Variants in DGKH observed in about 807,000 individuals in gnomAD.
The protein encoded by DGKH is diacylglycerol kinase eta.
Under a neutral mutation model 159.3 loss-of-function variants are expected in DGKH, and 90 were observed. That is an observed-to-expected ratio of 0.57 (90% CI 0.48 to 0.67). The LOEUF is 0.67. Among genes scored for constraint, DGKH ranks in the 30% least tolerant of loss-of-function variants. DGKH has a pLI of 0.00. For missense variants in DGKH, 1,181 were observed against 1,506.1 expected, an observed-to-expected ratio of 0.78 and a Z score of 3.57; for synonymous variants, 536 against 553.8, an observed-to-expected ratio of 0.97 and a Z score of 0.45.
At position 42,097,215 on chromosome 13, in the gene DGKH, G is replaced by A. The variant is rs187550421; in HGVS notation, c.193-30248G>A. ...AGTTCTGGGAAATTGTCTTGAATTA[G>A]CTCTTCCTTCTGTTTTCTCTGGTCT... On this transcript the variant is annotated intron_variant, in intron 1 of 29. Transcript: ENST00000337343. 1.4e-3 allele frequency among the ~76,000 whole-genome samples: 216 copies of A among 152,194 alleles called. 1 individual carries two copies. The highest frequency in any genetic ancestry group is 4.6e-3 in the African/African-American group (191 of 41,526).
At chr13:42,136,481 C>T (rs925515615) in intron 3 of DGKH, among the ~76,000 whole-genome samples, 1 of 152,180 alleles carries the variant, frequency 6.6e-6, no homozygotes. Context: ...TCAAAGCATG[C>T]TGTTCAAATG....
chr13:42,231,672 G>T lies in DGKH; in HGVS notation c.*2484G>T, dbSNP rs950024272. 1 of 152,212 alleles carries T rather than the reference G, an allele frequency of 6.6e-6. No individual in the cohort carries two copies. The highest frequency in any genetic ancestry group is 1.5e-5 in the Non-Finnish European group (1 of 68,042). The allele number at this position is 152,212 out of a possible 1,614,324, so 9.4% of individuals were successfully genotyped here. A position where few individuals can be genotyped will look rare whatever the true frequency, so the allele number is the denominator to read the frequency against. On this transcript the variant is annotated 3_prime_UTR_variant, in exon 30 of 30. Coordinates refer to ENST00000337343, the MANE Select transcript of DGKH (RefSeq NM_178009.5). ...CATTCCCCTTTGCTAATAGAAAAGA[G>T]TCTAGCTATGATGTGTCCCAAATTT...
rs564660909 is a variant in DGKH at position 42,252,426 on chromosome 13, A to G, written n.4072A>G. 3 of 152,240 alleles carry G rather than the reference A, an allele frequency of 2.0e-5. No homozygotes were observed. The South Asian group carries it at 6.2e-4, about 32-fold the overall frequency. The allele number at this position is 152,240 out of a possible 1,614,324, so 9.4% of individuals were successfully genotyped here. A position where few individuals can be genotyped will look rare whatever the true frequency, so the allele number is the denominator to read the frequency against. ...TTTTTTAGAGGATATATATGAGTTC[A>G]AGATGGTCACCTGCTTCTCTAGGAA... On this transcript the variant is annotated non_coding_transcript_exon_variant, in exon 30 of 31. Coordinates refer to the DGKH transcript ENST00000498255.
At chr13:42,138,108 C>T (rs1955441919) in intron 3 of DGKH, 42 of 985,374 alleles carry the variant, frequency 4.3e-5, no homozygotes, top group Non-Finnish European at 5.1e-5. Context: ...AGAGAGTTCT[C>T]AGAGCAGACT....
rs1956945426 is a variant in DGKH, at chr13:42,186,964, T to C, written c.1539-85T>C. ...CCCAGATATTTGACAGTTTGCTTAA[T>C]TGTGTTTCTTTTTAAATATATTCAT... is the stretch of plus-strand genomic sequence containing the variant. On this transcript the variant is annotated intron_variant, in intron 13 of 29. Coordinates refer to ENST00000337343, the MANE Select transcript of DGKH (RefSeq NM_178009.5). 4.3e-6 allele frequency: 5 copies of C among 1,167,716 alleles called. No homozygotes were observed. The East Asian group carries it at 9.5e-5, about 22-fold the overall frequency. The allele number at this position is 1,167,716 out of a possible 1,614,324, so 72.3% of individuals were successfully genotyped here.
chr13:42,074,648 GTCCATCCA>G (rs10589269), intron 1 of DGKH, among the ~76,000 whole-genome samples: 3,830 of 149,026 alleles, frequency 0.026, 63 homozygotes, highest in Middle Eastern at 0.044. Flanking sequence ...GTATCTATCC[GTCCATCCA>G]TCCATCCATC....
chr13:42,181,179 A>G (rs947664631), intron 13 of DGKH, among the ~76,000 whole-genome samples: 1 of 146,758 alleles, frequency 6.8e-6, no homozygotes, highest in Non-Finnish European at 1.5e-5. Flanking sequence ...CGGGAGGCTG[A>G]GGCAGGAGAA....
At chr13:42,121,477 C>G (rs989324987) in intron 1 of DGKH, among the ~76,000 whole-genome samples, 2 of 152,184 alleles carry the variant, frequency 1.3e-5, no homozygotes, top group Non-Finnish European at 2.9e-5. Context: ...AGCATCTGTA[C>G]TTACATAAAT....
intron 13 of DGKH, among the ~76,000 whole-genome samples, chr13:42,185,836 G>A (rs1424016098): frequency 1.3e-5 from 2 of 152,116 alleles, no homozygotes; most frequent in East Asian, 1.9e-4. Context: ...AGTTTAAAAA[G>A]CCAACAAAGA....
downstream of DGKH, among the ~76,000 whole-genome samples, chr13:42,247,491 A>C (rs1226371360): frequency 6.6e-6 from 1 of 152,086 alleles, no homozygotes; most frequent in Non-Finnish European, 1.5e-5. Flanking sequence ...TTGGCCTCCC[A>C]AAGTGCTGGG....
intron 1 of DGKH, among the ~76,000 whole-genome samples, chr13:42,108,816 G>C (rs1171230272): frequency 2.0e-5 from 3 of 151,942 alleles, no homozygotes; most frequent in Admixed American, 6.6e-5. Context: ...TCCTGAAAAG[G>C]AGGGAGTGGA....
In DGKH at chr13:42,233,859, C is replaced by CT. The variant is rs2138301718; in HGVS notation, c.*4673dup. The CT allele has an allele frequency of 6.6e-6, 1 of 152,336 alleles. No homozygotes were observed. The highest frequency in any genetic ancestry group is 2.1e-4 in the South Asian group (1 of 4,820). The allele number at this position is 152,336 out of a possible 1,614,324, so 9.4% of individuals were successfully genotyped here. On this transcript the variant is annotated 3_prime_UTR_variant, in exon 30 of 30. Transcript: ENST00000337343. ...TACAACTTGTACATTTTCATTTTCT[C>CT]TTATCAGTAGATTGTCCTTGTTGAC...
rs1351590315 is a variant in DGKH, at chr13:42,235,030, A to G, written c.*5842A>G. On this transcript the variant is annotated 3_prime_UTR_variant, in exon 30 of 30. Coordinates refer to ENST00000337343, the MANE Select transcript of DGKH (RefSeq NM_178009.5). ...AGACATTTATGTTAGAAGAAAAACT[A>G]TAAAGTTTTATCATTGTAGAGAACA... The G allele has an allele frequency of 6.6e-6, 1 of 152,226 alleles. No individual in the cohort carries two copies. The highest frequency in any genetic ancestry group is 1.5e-5 in the Non-Finnish European group (1 of 68,032). The allele number at this position is 152,226 out of a possible 1,614,324, so 9.4% of individuals were successfully genotyped here. A position where few individuals can be genotyped will look rare whatever the true frequency, so the allele number is the denominator to read the frequency against.
rs1958478525 is a variant in DGKH at position 42,239,514 on chromosome 13, T to G, written c.*10326T>G. 1.3e-5 allele frequency: 2 copies of G among 152,640 alleles called. No individual in the cohort carries two copies. Among genetic ancestry groups the G allele is most frequent in the African/African-American group, 4.8e-5 (2 of 41,460 alleles). The allele number at this position is 152,640 out of a possible 1,614,324, so 9.5% of individuals were successfully genotyped here. Reference sequence around the variant, plus strand: ...TTGCATATTTCATTTTTTGATTATGTCAAAAGTTGAATTCTCATTTTATGC... The same window carrying G: ...TTGCATATTTCATTTTTTGATTATGGCAAAAGTTGAATTCTCATTTTATGC... On this transcript the variant is annotated 3_prime_UTR_variant, in exon 30 of 30. Transcript: ENST00000337343.
chr13:42,255,276 T>C (rs1395499931), intron 30 of DGKH, among the ~76,000 whole-genome samples: 1 of 152,064 alleles, frequency 6.6e-6, no homozygotes, highest in African/African-American at 2.4e-5. Flanking sequence ...TGAGAATGAA[T>C]GGAGATTTTT....
chr13:42,120,064 C>T (rs1955039818), intron 1 of DGKH, among the ~76,000 whole-genome samples: 1 of 152,172 alleles, frequency 6.6e-6, no homozygotes, highest in African/African-American at 2.4e-5. Context: ...CTTTATGCAG[C>T]AGTGAACCAT....
chr13:42,066,905 A>G lies in DGKH; in HGVS notation c.192+17940A>G, dbSNP rs1882619639. On this transcript the variant is annotated intron_variant, in intron 1 of 29. Transcript: ENST00000337343. ...CTATAGTGCCGTTGGCCCTGAGTTC[A>G]GTGTTAATGAATCAAGTATACTTAC... Among the ~76,000 whole-genome samples the G allele has an allele frequency of 4.6e-5, 7 of 152,120 alleles. No homozygotes were observed. The South Asian group carries it at 1.4e-3, about 31-fold the overall frequency.
At chr13:42,111,446 G>T (rs1054205539) in intron 1 of DGKH, among the ~76,000 whole-genome samples, 2 of 152,154 alleles carry the variant, frequency 1.3e-5, no homozygotes, top group African/African-American at 4.8e-5. Flanking sequence ...CGGGCGTGGT[G>T]GCACGTGCCT....
chr13:42,222,240 G>A lies in DGKH; in HGVS notation c.3573+846G>A, dbSNP rs868122503. ...TTTCCAATAAGTAGTAACGTTTGTT[G>A]GAGTGATCCCTTTCATGTAGACCAA... On this transcript the variant is annotated intron_variant, in intron 29 of 29. Coordinates refer to ENST00000337343, the MANE Select transcript of DGKH (RefSeq NM_178009.5). 5.9e-5 allele frequency among the ~76,000 whole-genome samples: 9 copies of A among 152,210 alleles called. No homozygotes were observed. The South Asian group carries it at 8.3e-4, about 14-fold the overall frequency.
Sources: gnomAD v4.1 joint callset for allele counts (sites outside exome capture counted in the v4.1 genomes callset) on GRCh38, gnomAD v4.1.1 for gene constraint, MANE v1.5 for transcripts, NCBI Gene and HGNC (gene_info 2026-07-23, HGNC 2026-07-21) for gene names.